Variants in RAP1A observed in about 807,000 individuals in gnomAD.
RAP1A encodes RAP1A, member of RAS oncogene family.
A neutral mutation model predicts 26.4 loss-of-function variants in RAP1A; 6 were observed. The ratio of observed to expected loss-of-function variants is 0.23; its 90% CI spans 0.12 to 0.45. RAP1A has a LOEUF of 0.45. RAP1A is among the 20% of genes least tolerant of loss of function. The pLI is 0.99. For missense variants in RAP1A, 121 were observed against 217.2 expected (o/e 0.56, Z 2.78); for synonymous variants, 73 against 79.4 (o/e 0.92, Z 0.43).
chr1:111,564,836 A>T (rs1435113135), intron 1 of RAP1A, among the ~76,000 whole-genome samples: 1 of 152,098 alleles, frequency 6.6e-6, no homozygotes, highest in Non-Finnish European at 1.5e-5. Context: ...TCTTAAAAAA[A>T]AAAAGTTACT....
chr1:111,704,185 C>T (rs1438431033), intron 5 of RAP1A, among the ~76,000 whole-genome samples, 158 bp from the exon 6 acceptor site: 6 of 149,748 alleles, frequency 4.0e-5, no homozygotes, highest in Non-Finnish European at 8.9e-5. Context: ...TCTTCCTTCG[C>T]CTCTTCCCCT....
At chr1:111,642,472 T>A (rs1238179496) in intron 1 of RAP1A, among the ~76,000 whole-genome samples, 5 of 151,828 alleles carry the variant, frequency 3.3e-5, no homozygotes, top group Admixed American at 1.3e-4. Flanking sequence ...CGTCTTCTGA[T>A]AAACTAGAGT....
chr1:111,574,317 T>C (rs986988087), intron 1 of RAP1A, among the ~76,000 whole-genome samples: 94 of 152,310 alleles, frequency 6.2e-4, no homozygotes, highest in African/African-American at 2.0e-3. Flanking sequence ...TTGGTCCATG[T>C]GTCTGTTTTT....
chr1:111,543,502 A>G (rs549817405), intron 1 of RAP1A, among the ~76,000 whole-genome samples: 1 of 152,326 alleles, frequency 6.6e-6, no homozygotes, highest in South Asian at 2.1e-4. Flanking sequence ...AATGGAGAGT[A>G]TTCACCAAAA....
chr1:111,553,718 C>G (rs544924876), intron 1 of RAP1A, among the ~76,000 whole-genome samples: 1 of 152,294 alleles, frequency 6.6e-6, no homozygotes, highest in Non-Finnish European at 1.5e-5. Context: ...ATGTTCCTTT[C>G]TACCTCTGAC....
chr1:111,575,171 T>A (rs1266195795), intron 1 of RAP1A, among the ~76,000 whole-genome samples: 1 of 151,874 alleles, frequency 6.6e-6, no homozygotes, highest in Non-Finnish European at 1.5e-5. Context: ...TTTTTTGAGA[T>A]AGAGTCTCAC....
At chr1:111,681,489 T>C (rs1047994347) in intron 1 of RAP1A, among the ~76,000 whole-genome samples, 1 of 152,044 alleles carries the variant, frequency 6.6e-6, no homozygotes, top group African/African-American at 2.4e-5. Flanking sequence ...GAATAACCAG[T>C]TTAGAGAAGA....
intron 1 of RAP1A, among the ~76,000 whole-genome samples, chr1:111,558,242 A>G (rs1657583820): frequency 6.6e-6 from 1 of 152,154 alleles, no homozygotes; most frequent in Admixed American, 6.5e-5. Context: ...CAGTGGCGCA[A>G]TCTTGGCTCA....
At chr1:111,623,753 G>A (rs1341983347) in intron 1 of RAP1A, among the ~76,000 whole-genome samples, 2 of 152,154 alleles carry the variant, frequency 1.3e-5, no homozygotes, top group African/African-American at 2.4e-5. Flanking sequence ...AGGGGATGAC[G>A]ACACCAGCCA....
chr1:111,616,656 CT>C (rs1659019910), upstream of RAP1A, among the ~76,000 whole-genome samples: 1 of 152,186 alleles, frequency 6.6e-6, no homozygotes, highest in Non-Finnish European at 1.5e-5. Context: ...TAATCACTCC[CT>C]TACATAATAC....
chr1:111,642,734 G>C (rs7543725), intron 1 of RAP1A, among the ~76,000 whole-genome samples: 1 of 150,036 alleles, frequency 6.7e-6, no homozygotes, highest in Non-Finnish European at 1.5e-5. Flanking sequence ...TGATCCACCC[G>C]CCTTGGCCTC....
intron 1 of RAP1A, among the ~76,000 whole-genome samples, chr1:111,563,385 T>C (rs1007318022): frequency 6.6e-6 from 1 of 152,246 alleles, no homozygotes; most frequent in African/African-American, 2.4e-5. Flanking sequence ...TATGAAATAA[T>C]TGGAAAACAG....
intron 1 of RAP1A, among the ~76,000 whole-genome samples, chr1:111,551,245 T>A (rs1053212756): frequency 6.6e-6 from 1 of 152,224 alleles, no homozygotes; most frequent in African/African-American, 2.4e-5. Flanking sequence ...ATGTAATTAC[T>A]GAAAAGAAAG....
chr1:111,567,561 CTG>C (rs1657949758), intron 1 of RAP1A, among the ~76,000 whole-genome samples: 1 of 152,138 alleles, frequency 6.6e-6, no homozygotes, highest in Non-Finnish European at 1.5e-5. Flanking sequence ...CCAAAGGTAA[CTG>C]TATTTGGAAA....
intron 1 of RAP1A, among the ~76,000 whole-genome samples, chr1:111,607,296 T>C (rs921630313): frequency 2.6e-5 from 4 of 152,108 alleles, no homozygotes; most frequent in African/African-American, 9.7e-5. Context: ...CATTTAACCC[T>C]GAGTGGACAC....
intron 1 of RAP1A, among the ~76,000 whole-genome samples, chr1:111,606,535 G>T (rs1658782783): frequency 6.6e-6 from 1 of 152,120 alleles, no homozygotes; most frequent in Non-Finnish European, 1.5e-5. Flanking sequence ...GCACTGCACG[G>T]CCCAGTAGTA....
At chr1:111,564,031 T>C in intron 1 of RAP1A, 1 of 1,052,380 alleles carries the variant, frequency 9.5e-7, no homozygotes, top group Middle Eastern at 2.7e-4. Flanking sequence ...CTTCTGCCAT[T>C]AGAGAACCAG....
intron 1 of RAP1A, among the ~76,000 whole-genome samples, chr1:111,613,611 C>A (rs961224306): frequency 6.6e-6 from 1 of 152,204 alleles, no homozygotes; most frequent in Non-Finnish European, 1.5e-5. Flanking sequence ...AAATGAAACG[C>A]TATGTGACTA....
chr1:111,651,834 G>A (rs899219042), intron 1 of RAP1A, among the ~76,000 whole-genome samples: 6 of 151,890 alleles, frequency 4.0e-5, no homozygotes, highest in Admixed American at 6.6e-5. Flanking sequence ...GGATGGTCTC[G>A]ATCTCTTGAC....
Sources: allele counts gnomAD v4.1 joint callset (sites outside exome capture counted in the v4.1 genomes callset), GRCh38; gene constraint gnomAD v4.1.1; transcripts MANE v1.5; gene names NCBI Gene and HGNC (gene_info 2026-07-23, HGNC 2026-07-21).